PLEKHA5: variants seen among roughly 807,000 people sequenced by gnomAD.
PLEKHA5 encodes the protein pleckstrin homology domain-containing family A member 5.
In PLEKHA5, 55 loss-of-function variants were observed where a neutral mutation model predicts 181.9. The observed-to-expected ratio is 0.30, with a 90% CI of 0.24 to 0.38. PLEKHA5 has a LOEUF of 0.38. Among genes scored for constraint, PLEKHA5 ranks in the 10% least tolerant of loss-of-function variants. PLEKHA5 has a pLI of 1.00. For missense variants in PLEKHA5, 1,432 were observed against 1,549.5 expected (o/e 0.92, Z 1.27); for synonymous variants, 535 against 529.4 (o/e 1.01, Z -0.15).
intron 16 of PLEKHA5, 25 bp downstream of exon 16, chr12:19,314,919 A>G (rs1258776427): frequency 2.4e-6 from 3 of 1,259,864 alleles, no homozygotes; most frequent in Non-Finnish European, 1.1e-6. Context: ...AGTGAATGAT[A>G]CTGCTTTATC....
At chr12:19,279,659 C>CAA (rs747823499) in intron 11 of PLEKHA5, among the ~76,000 whole-genome samples, 47 of 131,242 alleles carry the variant, frequency 3.6e-4, no homozygotes, top group African/African-American at 1.0e-3. Context: ...GACTCCATCT[C>CAA]AAAAAAAAAA....
intron 3 of PLEKHA5, among the ~76,000 whole-genome samples, chr12:19,246,833 T>C (rs2063881287): frequency 6.6e-6 from 1 of 152,196 alleles, no homozygotes; most frequent in Non-Finnish European, 1.5e-5. Context: ...CTTAATTCCA[T>C]TGAATACTTT....
intron 27 of PLEKHA5, 69 bp from the exon 28 acceptor site, chr12:19,359,343 A>G: frequency 7.5e-7 from 1 of 1,339,104 alleles, no homozygotes; most frequent in Non-Finnish European, 1.0e-6. Flanking sequence ...GAGAATTAAC[A>G]GGCACTATTT....
intron 3 of PLEKHA5, among the ~76,000 whole-genome samples, chr12:19,137,045 C>CA (rs1565853689): frequency 6.8e-6 from 1 of 147,584 alleles, no homozygotes; most frequent in Non-Finnish European, 1.5e-5. Flanking sequence ...TTATACTTTA[C>CA]TTTTTTTTTT....
At chr12:19,352,177 A>G (rs561115137) in intron 25 of PLEKHA5, among the ~76,000 whole-genome samples, 7 of 151,806 alleles carry the variant, frequency 4.6e-5, no homozygotes, top group East Asian at 3.9e-4. Context: ...TGAGCCCAAG[A>G]GTTCAAGACC....
intron 29 of PLEKHA5, among the ~76,000 whole-genome samples, chr12:19,365,097 C>T (rs964017931): frequency 3.3e-5 from 5 of 152,052 alleles, no homozygotes; most frequent in African/African-American, 9.7e-5. Context: ...TTTGGCCAGG[C>T]GCAGTAGGTC....
intron 3 of PLEKHA5, among the ~76,000 whole-genome samples, chr12:19,141,869 G>C (rs1004044525): frequency 6.6e-6 from 1 of 152,196 alleles, no homozygotes; most frequent in African/African-American, 2.4e-5. Context: ...TTCCCAAACA[G>C]TGTCAGTGCT....
chr12:19,214,675 G>T lies in PLEKHA5; in HGVS notation c.228-39265G>T, dbSNP rs76013035. ...GGCAACAAATATTTGCTTGGGGCATGGGAGTGATTAGGATGGTGGCTTAAG... is the reference window on the plus strand; with the variant it reads ...GGCAACAAATATTTGCTTGGGGCATTGGAGTGATTAGGATGGTGGCTTAAG... On this transcript the variant is annotated intron_variant, in intron 3 of 31. Coordinates refer to ENST00000429027, the MANE Select transcript of PLEKHA5 (RefSeq NM_001256470.2). Among the ~76,000 whole-genome samples, 1,022 of 152,184 alleles carry T rather than the reference G, an allele frequency of 6.7e-3. 8 individuals carry two copies. The highest frequency in any genetic ancestry group is 0.023 in the African/African-American group (964 of 41,530).
intron 3 of PLEKHA5, among the ~76,000 whole-genome samples, chr12:19,249,928 T>C (rs551254585): frequency 6.6e-6 from 1 of 152,342 alleles, no homozygotes; most frequent in East Asian, 1.9e-4. Context: ...TATGATAGCC[T>C]AGTGCAGGGC....
intron 15 of PLEKHA5, among the ~76,000 whole-genome samples, chr12:19,298,398 A>AT (rs1438517567): frequency 9.2e-6 from 1 of 109,124 alleles, no homozygotes. Flanking sequence ...AATCTGTCCT[A>AT]TTTTTTTAGC....
chr12:19,148,327 G>T (rs965048291), intron 3 of PLEKHA5, among the ~76,000 whole-genome samples: 5 of 152,210 alleles, frequency 3.3e-5, no homozygotes, highest in African/African-American at 1.2e-4. Flanking sequence ...AAAGTGCTGG[G>T]ATTACAGGTG....
chr12:19,314,684 T>C lies in PLEKHA5; in HGVS notation c.2038-130T>C, dbSNP rs2087893985. On this transcript the variant is annotated intron_variant, in intron 15 of 31. Transcript: ENST00000429027. ...TATATGAATTAAATCTGTACAACCATGGGGTAAAATGTAAACAACTGCACT... is the reference window on the plus strand; with the variant it reads ...TATATGAATTAAATCTGTACAACCACGGGGTAAAATGTAAACAACTGCACT... 3 of 681,738 alleles carry C rather than the reference T, an allele frequency of 4.4e-6. No homozygotes were observed. The East Asian group carries it at 8.4e-5, about 19-fold the overall frequency. The allele number at this position is 681,738 out of a possible 1,614,324, so 42.2% of individuals were successfully genotyped here. A position where few individuals can be genotyped will look rare whatever the true frequency, so the allele number is the denominator to read the frequency against.
Position 19,353,998 on chromosome 12 carries a change from G to C in PLEKHA5, c.3134G>C (p.Arg1045Thr), listed in dbSNP as rs774214868. The change falls in exon 26 of 32, where the codon AGA becomes ACA. Residue 1045 changes from arginine to threonine, a missense_variant. Arg to Thr is a moderately conservative substitution (Grantham distance 71). This residue lies in a region of PLEKHA5 where 1,143 missense variants were observed against 1,168.4 expected (regional missense o/e 0.98). Coordinates refer to ENST00000429027, the MANE Select transcript of PLEKHA5 (RefSeq NM_001256470.2). ...LRKTKKMMDLRTERPRSAVEQ... is the reference protein window; with the variant it reads ...LRKTKKMMDLTTERPRSAVEQ... ...AAAACTAAGAAGATGATGGATCTAA[G>C]AACGGTATTTAACTGGAAATTAATC... 2 of 1,437,370 alleles carry C rather than the reference G, an allele frequency of 1.4e-6. No individual in the cohort carries two copies. The highest frequency in any genetic ancestry group is 1.7e-5 in the Admixed American group (1 of 59,124). 89.0% of individuals were successfully genotyped at this position (1,437,370 alleles called of 1,614,324 possible).
intron 3 of PLEKHA5, among the ~76,000 whole-genome samples, chr12:19,240,440 GTTTTTT>G (rs199524525): frequency 1.7e-4 from 22 of 129,054 alleles, no homozygotes; most frequent in African/African-American, 6.2e-4. Flanking sequence ...TCATTAGGGA[GTTTTTT>G]TTTTTTTTTT....
At chr12:19,237,094 G>T (rs1280441357) in intron 3 of PLEKHA5, 2 of 152,192 alleles carry the variant, frequency 1.3e-5, no homozygotes, top group African/African-American at 4.8e-5. Flanking sequence ...TAAGTGAACA[G>T]TAGTCCTTTT....
intron 15 of PLEKHA5, among the ~76,000 whole-genome samples, chr12:19,297,258 G>C (rs1197726756): frequency 6.6e-6 from 1 of 151,736 alleles, no homozygotes; most frequent in African/African-American, 2.4e-5. Flanking sequence ...GCTAAAGGAC[G>C]TTATCCTCAA....
chr12:19,333,640 G>T (rs576691501), intron 20 of PLEKHA5, among the ~76,000 whole-genome samples: 1 of 133,654 alleles, frequency 7.5e-6, no homozygotes, highest in Non-Finnish European at 1.6e-5. Context: ...ATGGAGTCTC[G>T]CACTGTCGCC....
chr12:19,286,783 T>C (rs1458243375), intron 12 of PLEKHA5, among the ~76,000 whole-genome samples: 1 of 151,606 alleles, frequency 6.6e-6, no homozygotes, highest in Non-Finnish European at 1.5e-5. Context: ...CTGGCCAACA[T>C]GGTGAAACCC....
At chr12:19,319,906 C>A in intron 16 of PLEKHA5, 115 bp from the exon 17 acceptor site, 1 of 609,120 alleles carries the variant, frequency 1.6e-6, no homozygotes, top group Non-Finnish European at 2.7e-6. Flanking sequence ...CACACATAAA[C>A]TTTTTATGAA....
Sources: allele counts gnomAD v4.1 joint callset (sites outside exome capture counted in the v4.1 genomes callset), GRCh38; gene constraint gnomAD v4.1.1; regional missense constraint gnomAD v4.1.1; transcripts MANE v1.5; gene names NCBI Gene and HGNC (gene_info 2026-07-23, HGNC 2026-07-21).